Variants in PCDHA3 observed in about 807,000 individuals in gnomAD.
PCDHA3 encodes the protein protocadherin alpha-3.
PCDHA3 carries 41 observed loss-of-function variants against 62.2 expected under a neutral mutation model. The observed-to-expected ratio is 0.66, with a 90% CI of 0.51 to 0.86. PCDHA3 has a LOEUF of 0.86. Ranked by LOEUF, PCDHA3 falls within the 40% of genes least tolerant of loss-of-function variation. The pLI is 0.00. For synonymous variants in PCDHA3, 640 were observed against 555.4 expected (o/e 1.15, Z -2.14); for missense variants, 1,304 against 1,241.2 (o/e 1.05, Z -0.76).
chr5:140,834,178 C>T (rs1772830464), intron 1 of PCDHA3: 2 of 557,246 alleles, frequency 3.6e-6, no homozygotes, highest in Admixed American at 3.3e-5. Flanking sequence ...ACATGATGGC[C>T]ACATGATGTC....
intron 2 of PCDHA3, among the ~76,000 whole-genome samples, chr5:140,980,956 C>T (rs2096912703): frequency 6.6e-6 from 1 of 152,110 alleles, no homozygotes; most frequent in Non-Finnish European, 1.5e-5. Flanking sequence ...AGGATAGTTA[C>T]ACCTTCATGA....
chr5:140,968,135 G>C (rs2096222877), intron 1 of PCDHA3: 2 of 1,614,034 alleles, frequency 1.2e-6, no homozygotes, highest in Non-Finnish European at 1.7e-6. Flanking sequence ...TACACTGAAG[G>C]TTGAGATCTC....
intron 1 of PCDHA3, among the ~76,000 whole-genome samples, chr5:140,937,827 G>A (rs1328688983): frequency 2.6e-5 from 4 of 151,564 alleles, no homozygotes; most frequent in Non-Finnish European, 5.9e-5. Context: ...CAGGAGAATG[G>A]CATGAACCTG....
At chr5:140,997,720 G>C (rs973128921) in intron 3 of PCDHA3, among the ~76,000 whole-genome samples, 1 of 151,568 alleles carries the variant, frequency 6.6e-6, no homozygotes, top group African/African-American at 2.4e-5. Flanking sequence ...ACCTTTCTAC[G>C]TCAGTACATA....
chr5:140,971,541 G>C (rs544682624), intron 1 of PCDHA3, among the ~76,000 whole-genome samples: 1 of 152,290 alleles, frequency 6.6e-6, no homozygotes, highest in Non-Finnish European at 1.5e-5. Flanking sequence ...ATCATTGCCA[G>C]ATCAACCTGT....
At chr5:140,882,404 G>A in intron 1 of PCDHA3, 1 of 1,614,152 alleles carries the variant, frequency 6.2e-7, no homozygotes. Context: ...CACCTTCGTG[G>A]GCCGCATCGC....
intron 1 of PCDHA3, chr5:140,827,867 C>T (rs1298214398): frequency 1.1e-5 from 7 of 615,614 alleles, no homozygotes; most frequent in Non-Finnish European, 1.7e-5. Context: ...TATGGTATAG[C>T]ACTGTTACGT....
chr5:140,870,970 G>A, intron 1 of PCDHA3: 4 of 1,613,652 alleles, frequency 2.5e-6, no homozygotes, highest in Non-Finnish European at 3.4e-6. Context: ...CCCGTTCCGC[G>A]TGGGGCTGTA....
intron 1 of PCDHA3, chr5:140,822,835 C>T: frequency 1.9e-6 from 3 of 1,614,198 alleles, no homozygotes; most frequent in South Asian, 2.2e-5. Flanking sequence ...CATAACCACC[C>T]TTTTCCTGCC....
chr5:140,954,824 C>A (rs1167171102), intron 1 of PCDHA3, among the ~76,000 whole-genome samples: 1 of 152,068 alleles, frequency 6.6e-6, no homozygotes, highest in Admixed American at 6.6e-5. Flanking sequence ...GCTTTAGGCA[C>A]TTTTGTCATG....
chr5:140,808,489 G>A, intron 1 of PCDHA3: 2 of 1,614,156 alleles, frequency 1.2e-6, no homozygotes, highest in South Asian at 2.2e-5. Flanking sequence ...GCTCGCCTTC[G>A]CTGTGGGCCA....
At chr5:140,821,571 A>C in intron 1 of PCDHA3, 1 of 549,120 alleles carries the variant, frequency 1.8e-6, no homozygotes, top group Non-Finnish European at 3.1e-6. Flanking sequence ...TGGACACCGG[A>C]AGGTTTTTCT....
intron 1 of PCDHA3, among the ~76,000 whole-genome samples, chr5:140,910,717 T>C (rs1349205242): frequency 1.3e-5 from 2 of 152,142 alleles, no homozygotes; most frequent in African/African-American, 4.8e-5. Flanking sequence ...CATCTTTTAA[T>C]CCATATTTCA....
intron 2 of PCDHA3, among the ~76,000 whole-genome samples, chr5:140,979,611 C>T (rs549836811): frequency 5.9e-5 from 9 of 152,266 alleles, no homozygotes; most frequent in South Asian, 2.1e-4. Flanking sequence ...CCTAGAGTAA[C>T]GGTATTAGTC....
chr5:140,827,921 A>G (rs2150149765), intron 1 of PCDHA3: 1 of 938,742 alleles, frequency 1.1e-6, no homozygotes, highest in East Asian at 2.4e-5. Context: ...GTCGCTGTCT[A>G]CCATGAAGTT....
In PCDHA3 at chr5:140,809,445, A is replaced by C. The variant is rs782301046; in HGVS notation, c.2394+5854A>C. On this transcript the variant is annotated intron_variant, in intron 1 of 3. Transcript: ENST00000522353. ...GTGGGGAGCTGGTCATACTCGCAGC[A>C]GAGGAGGCCGAGGGTGTGCTCTGGT... The C allele has an allele frequency of 1.4e-5, 22 of 1,614,116 alleles. No individual in the cohort carries two copies. The Admixed American group carries it at 3.3e-4, about 24-fold the overall frequency.
intron 3 of PCDHA3, among the ~76,000 whole-genome samples, chr5:140,994,021 G>A (rs1160447092): frequency 6.6e-6 from 1 of 152,140 alleles, no homozygotes; most frequent in Non-Finnish European, 1.5e-5. Context: ...AGGTGATGCA[G>A]ATATAATATT....
intron 1 of PCDHA3, among the ~76,000 whole-genome samples, chr5:140,838,775 A>T (rs1233397292): frequency 2.0e-5 from 3 of 151,986 alleles, no homozygotes; most frequent in Non-Finnish European, 4.4e-5. Context: ...TTGTAAAATT[A>T]GCTATGCATG....
intron 1 of PCDHA3, chr5:140,808,674 A>C (rs782032441): frequency 5.5e-5 from 89 of 1,612,590 alleles, no homozygotes; most frequent in Non-Finnish European, 7.3e-5. Flanking sequence ...TCGCTGGTAG[A>C]GCGGCGGGTA....
Sources: allele counts gnomAD v4.1 joint callset (sites outside exome capture counted in the v4.1 genomes callset), GRCh38; gene constraint gnomAD v4.1.1; transcripts MANE v1.5; gene names NCBI Gene and HGNC (gene_info 2026-07-23, HGNC 2026-07-21).